AGXT2: variants seen among roughly 807,000 people sequenced by gnomAD.
AGXT2 encodes the protein alanine--glyoxylate aminotransferase 2.
A neutral mutation model predicts 62.5 loss-of-function variants in AGXT2; 61 were observed. The observed-to-expected ratio is 0.98, with a 90% CI of 0.79 to 1.21. The LOEUF is 1.21. Ranked by LOEUF, AGXT2 falls within the 50% of genes most tolerant of loss-of-function variation. AGXT2 has a pLI of 0.00. For missense variants in AGXT2, 666 were observed against 641.5 expected (o/e 1.04, Z -0.41); for synonymous variants, 243 against 218.7 (o/e 1.11, Z -0.98).
chr5:35,025,092 C>T lies in AGXT2; in HGVS notation c.963+671G>A, dbSNP rs1418454379. 2.6e-5 allele frequency among the ~76,000 whole-genome samples: 4 copies of T among 152,100 alleles called. No homozygotes were observed. The South Asian group carries it at 6.2e-4, about 24-fold the overall frequency. ...AAATAAAGATTAAAAACTTGGCTAT[C>T]AGGCCTGGCACGGTGGCTCACGTCT... is the stretch of plus-strand genomic sequence containing the variant. On this transcript the variant is annotated intron_variant, in intron 9 of 13. Transcript: ENST00000231420.
chr5:35,030,176 G>T (rs1767508728), intron 7 of AGXT2, among the ~76,000 whole-genome samples: 1 of 152,198 alleles, frequency 6.6e-6, no homozygotes, highest in Non-Finnish European at 1.5e-5. Flanking sequence ...CCTGTTCAAA[G>T]ATTCCATAAA....
chr5:35,011,954 ACACG>A (rs763232257), intron 11 of AGXT2, among the ~76,000 whole-genome samples: 135 of 141,116 alleles, frequency 9.6e-4, no homozygotes, highest in Non-Finnish European at 1.8e-3. Flanking sequence ...ACACACACAC[ACACG>A]CCATGGAATA....
intron 9 of AGXT2, among the ~76,000 whole-genome samples, chr5:35,025,005 T>C (rs1767272395): frequency 6.6e-6 from 1 of 152,126 alleles, no homozygotes; most frequent in African/African-American, 2.4e-5. Flanking sequence ...ACCCACATTA[T>C]TTCCAGGCAA....
At position 35,002,716 on chromosome 5, in the gene AGXT2, G is replaced by A. The variant is rs986803670; in HGVS notation, c.1437+1047C>T. ...TGGACTTCTCTGCCTCCAGAACTAT[G>A]AGAAATGAACTTCTATGATGTATAA... On this transcript the variant is annotated intron_variant, in intron 13 of 13. Coordinates refer to ENST00000231420, the MANE Select transcript of AGXT2 (RefSeq NM_031900.4). 3.9e-5 allele frequency among the ~76,000 whole-genome samples: 6 copies of A among 152,032 alleles called. No homozygotes were observed. In the East Asian group the frequency reaches 7.7e-4, roughly 20 times the overall value.
intron 1 of AGXT2, among the ~76,000 whole-genome samples, chr5:35,044,430 TC>T (rs1271479748): frequency 2.0e-5 from 3 of 152,238 alleles, no homozygotes; most frequent in African/African-American, 7.2e-5. Context: ...ACATGATCTC[TC>T]ACAGCCTTCT....
intron 10 of AGXT2, among the ~76,000 whole-genome samples, 157 bp from the exon 11 acceptor site, chr5:35,013,202 A>T (rs953245566): frequency 1.3e-5 from 2 of 152,236 alleles, no homozygotes; most frequent in African/African-American, 4.8e-5. Context: ...ACTGAATTGT[A>T]TCGCCTCAAA....
At chr5:35,033,596 T>C in intron 5 of AGXT2, 43 bp from the exon 6 acceptor site, 1 of 1,514,360 alleles carries the variant, frequency 6.6e-7, no homozygotes, top group East Asian at 2.3e-5. Flanking sequence ...AAGTTCCTGG[T>C]CCACTGAGTA....
In AGXT2 at chr5:35,043,577, G is replaced by T. The variant is rs142596002; in HGVS notation, c.89-2914C>A. ...AGACAGGATCTCCTTCTGTCACCCAGGCTGGAGTACAGTGGTGTGAGCATG... is the reference window on the plus strand; with the variant it reads ...AGACAGGATCTCCTTCTGTCACCCATGCTGGAGTACAGTGGTGTGAGCATG... On this transcript the variant is annotated intron_variant, in intron 1 of 13. Coordinates refer to ENST00000231420, the MANE Select transcript of AGXT2 (RefSeq NM_031900.4). 8.0e-3 allele frequency among the ~76,000 whole-genome samples: 1,216 copies of T among 152,188 alleles called. 10 individuals are homozygous for T. Among genetic ancestry groups the T allele is most frequent in the Non-Finnish European group, 0.013 (862 of 68,008 alleles).
intron 13 of AGXT2, among the ~76,000 whole-genome samples, chr5:35,002,813 C>A (rs1055625336): frequency 3.3e-5 from 5 of 151,354 alleles, no homozygotes; most frequent in Non-Finnish European, 5.9e-5. Flanking sequence ...AGAATAAATG[C>A]GGGGACCGAT....
chr5:35,036,332 G>T (rs1332094754), intron 4 of AGXT2, among the ~76,000 whole-genome samples: 1 of 152,172 alleles, frequency 6.6e-6, no homozygotes, highest in African/African-American at 2.4e-5. Flanking sequence ...TCGGGACTGA[G>T]CATTGTTCTA....
chr5:35,015,644 G>GT (rs759255951), intron 9 of AGXT2, among the ~76,000 whole-genome samples: 26 of 152,156 alleles, frequency 1.7e-4, no homozygotes, highest in Non-Finnish European at 3.2e-4. Flanking sequence ...GAGGTCCGGA[G>GT]TTTGAGACCA....
At chr5:35,026,918 C>T (rs926660620) in intron 7 of AGXT2, 2 of 984,922 alleles carry the variant, frequency 2.0e-6, no homozygotes, top group Admixed American at 6.1e-5. Flanking sequence ...ATTTACCTTT[C>T]ATTGCCATTT....
At chr5:35,033,368 T>C (rs371267387) in intron 6 of AGXT2, 92 bp downstream of exon 6, 15 of 1,004,874 alleles carry the variant, frequency 1.5e-5, no homozygotes, top group East Asian at 1.4e-4. Flanking sequence ...GGCTTTATAT[T>C]AGTTTCTAAT....
chr5:35,028,908 C>A (rs955775818), intron 7 of AGXT2, among the ~76,000 whole-genome samples: 1 of 152,194 alleles, frequency 6.6e-6, no homozygotes, highest in African/African-American at 2.4e-5. Flanking sequence ...CGGTGCTAGA[C>A]AGAAGGAACA....
chr5:35,044,740 T>G (rs1246441545), intron 1 of AGXT2, among the ~76,000 whole-genome samples: 1 of 152,054 alleles, frequency 6.6e-6, no homozygotes, highest in Non-Finnish European at 1.5e-5. Context: ...GCAAGAGCAC[T>G]CCTCGATTCC....
intron 12 of AGXT2, among the ~76,000 whole-genome samples, chr5:35,005,448 C>A (rs1358313042): frequency 6.6e-6 from 1 of 152,074 alleles, no homozygotes; most frequent in Admixed American, 6.6e-5. Context: ...AGGCTGGTCT[C>A]GAACTCCTGA....
chr5:35,003,700 A>C (rs1766319555), intron 13 of AGXT2, 63 bp downstream of exon 13: 1 of 1,461,268 alleles, frequency 6.8e-7, no homozygotes, highest in Non-Finnish European at 9.6e-7. Flanking sequence ...AACTGTGACC[A>C]GCATTAGGAA....
intron 9 of AGXT2, among the ~76,000 whole-genome samples, chr5:35,019,821 A>G (rs201919122): frequency 6.6e-6 from 1 of 152,082 alleles, no homozygotes; most frequent in South Asian, 2.1e-4. Context: ...TTGATAGACC[A>G]CTAGCAAGAC....
Position 34,998,122 on chromosome 5 carries a change from A to G in AGXT2, c.*597T>C, listed in dbSNP as rs1766097595. 1 of 149,612 alleles carries G rather than the reference A, an allele frequency of 6.7e-6. No homozygotes were observed. Among genetic ancestry groups the G allele is most frequent in the Non-Finnish European group, 1.5e-5 (1 of 67,190 alleles). 9.3% of individuals were successfully genotyped at this position (149,612 alleles called of 1,614,324 possible). On this transcript the variant is annotated 3_prime_UTR_variant, in exon 14 of 14. Coordinates refer to ENST00000231420, the MANE Select transcript of AGXT2 (RefSeq NM_031900.4). ...CCTTATACAGAACAATGAATTTATT[A>G]CCTCAAATATCAAGAGGCCCTGAGG...
Sources: allele counts gnomAD v4.1 joint callset (sites outside exome capture counted in the v4.1 genomes callset), GRCh38; gene constraint gnomAD v4.1.1; transcripts MANE v1.5; gene names NCBI Gene and HGNC (gene_info 2026-07-23, HGNC 2026-07-21).